GANC: variants seen among roughly 807,000 people sequenced by gnomAD.
GANC encodes the protein glucosidase alpha, neutral C, also known as neutral alpha-glucosidase C.
GANC carries 117 observed loss-of-function variants against 124.2 expected under a neutral mutation model. That is an observed-to-expected ratio of 0.94 (90% CI 0.81 to 1.10). The LOEUF (loss-of-function observed/expected upper bound fraction) is 1.10. GANC is among the 50% of genes least tolerant of loss of function. The pLI is 0.00. For missense variants in GANC, 1,140 were observed against 1,095.0 expected, an observed-to-expected ratio of 1.04 and a Z score of -0.58; for synonymous variants, 377 against 376.8, an observed-to-expected ratio of 1.00 and a Z score of -0.01.
At chr15:42,277,387 A>G (rs1232663910) in intron 2 of GANC, among the ~76,000 whole-genome samples, 3 of 151,848 alleles carry the variant, frequency 2.0e-5, no homozygotes, top group African/African-American at 7.2e-5. Context: ...AAAATTAGCC[A>G]GGCATGGTGG....
intron 18 of GANC, 90 bp downstream of exon 18, chr15:42,340,844 G>A (rs1439475913): frequency 3.5e-5 from 34 of 967,836 alleles, no homozygotes; most frequent in Non-Finnish European, 4.8e-5. Flanking sequence ...TCGGCTCACT[G>A]CAACCTCCGC....
At chr15:42,332,229 A>G (rs1217903583) in intron 15 of GANC, among the ~76,000 whole-genome samples, 1 of 152,228 alleles carries the variant, frequency 6.6e-6, no homozygotes, top group Admixed American at 6.5e-5. Flanking sequence ...ACAGTTAAAT[A>G]TAAGAAAATG....
At chr15:42,283,961 G>A in intron 3 of GANC, 1 of 702,606 alleles carries the variant, frequency 1.4e-6, no homozygotes, top group Non-Finnish European at 2.6e-6. Flanking sequence ...CCAACTGGCT[G>A]CAACTGTAGA....
In GANC at chr15:42,353,222, T is replaced by C. The variant is rs913887332; in HGVS notation, c.*1083T>C. On this transcript the variant is annotated 3_prime_UTR_variant, in exon 24 of 24. Transcript: ENST00000318010. ...TGCCACAGCATCTGTTTTAGCAGCC[T>C]CGACTCCTCAGCACTCCTCAGCACA... 2.0e-6 allele frequency: 2 copies of C among 985,854 alleles called. No homozygotes were observed. The highest frequency in any genetic ancestry group is 3.5e-5 in the African/African-American group (2 of 57,180). The allele number at this position is 985,854 out of a possible 1,614,324, so 61.1% of individuals were successfully genotyped here.
intron 10 of GANC, among the ~76,000 whole-genome samples, chr15:42,313,224 A>G (rs60634548): frequency 0.086 from 10,049 of 117,024 alleles, 726 homozygotes; most frequent in Admixed American, 0.23. Context: ...AAAATATGTT[A>G]TATGTGTATC....
chr15:42,299,345 GT>G (rs1248164212), intron 6 of GANC, among the ~76,000 whole-genome samples: 6 of 152,182 alleles, frequency 3.9e-5, no homozygotes, highest in Admixed American at 3.3e-4. Context: ...CTTTGGTTCT[GT>G]TTATGTGATG....
chr15:42,300,206 A>G (rs983986877), intron 6 of GANC, among the ~76,000 whole-genome samples: 1 of 152,178 alleles, frequency 6.6e-6, no homozygotes, highest in African/African-American at 2.4e-5. Flanking sequence ...AATTTTTGCA[A>G]TCTACCCTAA....
intron 21 of GANC, 128 bp from the exon 22 acceptor site, chr15:42,349,255 T>C (rs990729431): frequency 1.6e-6 from 1 of 642,928 alleles, no homozygotes; most frequent in Non-Finnish European, 2.8e-6. Context: ...TAGGTATTTG[T>C]ACGACTACTT....
intron 16 of GANC, 98 bp from the exon 17 acceptor site, chr15:42,339,571 C>A: frequency 7.2e-7 from 1 of 1,381,274 alleles, no homozygotes; most frequent in South Asian, 1.3e-5. Flanking sequence ...AGTGCATATA[C>A]TGCACTTTTC....
rs148079513 is a variant in GANC at position 42,278,557 on chromosome 15, C to T, written c.168C>T (p.Ser56=). Residue 56 remains serine (S), a synonymous_variant, in exon 3 of 24, where the codon AGC becomes AGT. Coordinates refer to ENST00000318010, the MANE Select transcript of GANC (RefSeq NM_198141.3). ...LLDSVTTDED[S]TRFQIINEAS... ...ATTCAGTCACAACAGATGAAGACAG[C>T]ACCAGGTTCCAAATCATCAATGAAG... 67 of 1,612,020 alleles carry T rather than the reference C, an allele frequency of 4.2e-5. 1 individual carries two copies. In the African/African-American group the frequency reaches 8.4e-4, roughly 20 times the overall value.
intron 8 of GANC, 132 bp from the exon 9 acceptor site, chr15:42,310,151 G>A (rs2052036397): frequency 3.3e-6 from 2 of 613,482 alleles, no homozygotes; most frequent in Non-Finnish European, 5.1e-6. Flanking sequence ...GAAATCTTTA[G>A]GGAAGTGGCA....
At chr15:42,304,419 G>T (rs139241094) in intron 6 of GANC, among the ~76,000 whole-genome samples, 22 of 152,216 alleles carry the variant, frequency 1.4e-4, no homozygotes, top group Non-Finnish European at 2.9e-4. Context: ...GGGATGTAAA[G>T]GACCTCTTCA....
chr15:42,278,533 T>G lies in GANC; in HGVS notation c.144T>G (p.Asp48Glu). ...SKKSTYQALLDSVTTDEDSTR... is the reference protein window; with the variant it reads ...SKKSTYQALLESVTTDEDSTR... ...AGTCCACCTATCAGGCATTATTGGA[T>G]TCAGTCACAACAGATGAAGACAGCA... The change falls in exon 3 of 24, where the codon GAT (aspartate) becomes GAG (glutamate). Residue 48 changes from aspartate to glutamate, a missense_variant. Asp to Glu is a conservative substitution (Grantham distance 45). Coordinates refer to ENST00000318010, the MANE Select transcript of GANC (RefSeq NM_198141.3). 1 of 1,613,302 alleles carries G rather than the reference T, an allele frequency of 6.2e-7. No homozygotes were observed. The highest frequency in any genetic ancestry group is 2.2e-5 in the East Asian group (1 of 44,814).
At chr15:42,350,250 G>A (rs934663185) in intron 22 of GANC, among the ~76,000 whole-genome samples, 33 of 145,670 alleles carry the variant, frequency 2.3e-4, no homozygotes, top group Non-Finnish European at 2.6e-4. Flanking sequence ...GCCTGGTCTC[G>A]AACTCCCGAC....
intron 8 of GANC, among the ~76,000 whole-genome samples, chr15:42,309,756 T>A (rs57052341): frequency 6.6e-6 from 1 of 151,860 alleles, no homozygotes; most frequent in East Asian, 2.0e-4. Context: ...CAGTGGCTCA[T>A]ACCTGTAATC....
Position 42,352,116 on chromosome 15 carries a change from G to T in GANC, c.2722G>T (p.Asp908Tyr). Reference protein sequence around the residue: ...LEKLSLNIATDWEVRII With the variant: ...LEKLSLNIATYWEVRII ...GAAGCTCTCACTCAACATTGCCACT[G>T]ACTGGGAGGTCCGCATCATATGACA... The change falls in exon 24 of 24, where the codon GAC (aspartate) becomes TAC (tyrosine). Residue 908 changes from aspartate (D) to tyrosine (Y), a missense_variant. By Grantham distance (160) the Asp-to-Tyr change is radical (BLOSUM62 -3). Transcript: ENST00000318010. 1.2e-6 allele frequency: 2 copies of T among 1,614,140 alleles called. No homozygotes were observed. The highest frequency in any genetic ancestry group is 2.2e-5 in the South Asian group (2 of 91,066).
At chr15:42,309,570 G>A (rs372086808) in intron 8 of GANC, among the ~76,000 whole-genome samples, 133 of 151,770 alleles carry the variant, frequency 8.8e-4, no homozygotes, top group African/African-American at 3.1e-3. Context: ...CACCTGCTTC[G>A]GCCTCCCAAA....
At position 42,329,318 on chromosome 15, in the gene GANC, A is replaced by G. The variant is rs758321809; in HGVS notation, c.1513A>G (p.Ile505Val). The G allele has an allele frequency of 3.1e-6, 5 of 1,613,632 alleles. No individual in the cohort carries two copies. In the South Asian group the frequency reaches 3.3e-5, roughly 11 times the overall value. Residue 505 changes from isoleucine to valine, a missense_variant, in exon 14 of 24, where the codon ATC (isoleucine) becomes GTC (valine). Physicochemically the swap from Ile to Val is conservative, Grantham distance 29. Coordinates refer to ENST00000318010, the MANE Select transcript of GANC (RefSeq NM_198141.3). ...GTTTACTTCCTAGGGATCTACGGACATCCTCTTCCTTTGGAATGACATGAA... is the reference window on the plus strand; with the variant it reads ...GTTTACTTCCTAGGGATCTACGGACGTCCTCTTCCTTTGGAATGACATGAA... ...AFPVYQGSTD[I>V]LFLWNDMNEP...
chr15:42,338,992 A>G (rs771876425), intron 16 of GANC, among the ~76,000 whole-genome samples: 1 of 152,186 alleles, frequency 6.6e-6, no homozygotes, highest in Non-Finnish European at 1.5e-5. Context: ...TCTTCCCTGC[A>G]TCCTAAGAAT....
Sources: gnomAD v4.1 joint callset for allele counts (sites outside exome capture counted in the v4.1 genomes callset) on GRCh38, gnomAD v4.1.1 for gene constraint, MANE v1.5 for transcripts, NCBI Gene and HGNC (gene_info 2026-07-23, HGNC 2026-07-21) for gene names.